MAP3K13: variants seen among roughly 807,000 people sequenced by gnomAD.
MAP3K13 encodes the protein mitogen-activated protein kinase kinase kinase 13, also known as leucine zipper-bearing kinase.
MAP3K13 carries 52 observed loss-of-function variants against 104.0 expected under a neutral mutation model. The ratio of observed to expected loss-of-function variants is 0.50; its 90% CI spans 0.40 to 0.63. MAP3K13 has a LOEUF of 0.63. Among genes scored for constraint, MAP3K13 ranks in the 20% least tolerant of loss-of-function variants. The probability of loss-of-function intolerance (pLI) is 0.00; values close to 1 mark genes in which losing one functional copy is unlikely to be tolerated. For synonymous variants in MAP3K13, 394 were observed against 442.2 expected (o/e 0.89, Z 1.37); for missense variants, 914 against 1,218.5 (o/e 0.75, Z 3.72).
chr3:185,385,882 A>C (rs1279552993), intron 1 of MAP3K13, among the ~76,000 whole-genome samples: 1 of 152,136 alleles, frequency 6.6e-6, no homozygotes, highest in Non-Finnish European at 1.5e-5. Context: ...GGGTGCCTAT[A>C]GTCCAACGTA....
At chr3:185,382,422 T>C (rs573819025) in intron 1 of MAP3K13, among the ~76,000 whole-genome samples, 1 of 152,194 alleles carries the variant, frequency 6.6e-6, no homozygotes, top group Non-Finnish European at 1.5e-5. Context: ...CTGTATATGA[T>C]GTAGTGATAA....
intron 7 of MAP3K13, among the ~76,000 whole-genome samples, chr3:185,460,901 T>C (rs1717059463): frequency 6.6e-6 from 1 of 152,202 alleles, no homozygotes; most frequent in South Asian, 2.1e-4. Context: ...TGATATAAAA[T>C]TCCTCACCAC....
At chr3:185,397,668 TCTTTC>T (rs984676617) in intron 1 of MAP3K13, among the ~76,000 whole-genome samples, 53 of 152,306 alleles carry the variant, frequency 3.5e-4, no homozygotes, top group African/African-American at 1.3e-3. Context: ...ACTGTTTTTT[TCTTTC>T]CTTTCCTTTT....
rs566493723 is a variant in MAP3K13, at chr3:185,383,009, C to G, written c.-86+19641C>G. Among the ~76,000 whole-genome samples the G allele has an allele frequency of 2.4e-3, 334 of 137,862 alleles. 1 individual carries two copies. The highest frequency in any genetic ancestry group is 8.3e-3 in the African/African-American group (314 of 37,670). The allele number at this position is 137,862 out of a possible 152,430, so 90.4% of individuals were successfully genotyped here. On this transcript the variant is annotated intron_variant, in intron 1 of 13. Coordinates refer to ENST00000265026, the MANE Select transcript of MAP3K13 (RefSeq NM_004721.5). ...TATATCTCCCAATGCTATCCCTCCC[C>G]CCTCCCCCCAACCCACAACAGTCCC...
intron 1 of MAP3K13, among the ~76,000 whole-genome samples, chr3:185,387,853 T>G (rs1478017263): frequency 1.3e-5 from 2 of 152,016 alleles, no homozygotes; most frequent in East Asian, 1.9e-4. Context: ...GCATCCAAAT[T>G]GGAAAAGAGG....
At chr3:185,414,806 C>G (rs1713650719) in intron 1 of MAP3K13, among the ~76,000 whole-genome samples, 1 of 152,068 alleles carries the variant, frequency 6.6e-6, no homozygotes, top group South Asian at 2.1e-4. Flanking sequence ...ATTTTACTGT[C>G]CAACTAAACA....
chr3:185,300,081 TA>T (rs1377624424), intron 2 of MAP3K13, among the ~76,000 whole-genome samples: 1 of 152,242 alleles, frequency 6.6e-6, no homozygotes, highest in East Asian at 1.9e-4. Context: ...ATACTTCACA[TA>T]AGTGGAATCA....
upstream of MAP3K13, among the ~76,000 whole-genome samples, chr3:185,361,996 G>A (rs537560319): frequency 7.2e-5 from 11 of 152,296 alleles, no homozygotes; most frequent in South Asian, 1.2e-3. Flanking sequence ...TAGTGGTCAG[G>A]TTTAGACCCT....
At chr3:185,454,887 T>TATATATGAGATATATATC (rs1481373737) in intron 7 of MAP3K13, among the ~76,000 whole-genome samples, 1 of 114,264 alleles carries the variant, frequency 8.8e-6, no homozygotes, top group Admixed American at 1.1e-4. Context: ...ATATATGATA[T>TATATATGAGATATATATC]ATATATGAGA....
chr3:185,338,567 A>C (rs1722598629), intron 2 of MAP3K13, among the ~76,000 whole-genome samples: 1 of 152,240 alleles, frequency 6.6e-6, no homozygotes, highest in Non-Finnish European at 1.5e-5. Flanking sequence ...AATAAGGAAA[A>C]TATTATGAAA....
At chr3:185,476,456 G>A (rs900541853) in intron 11 of MAP3K13, 4 of 151,430 alleles carry the variant, frequency 2.6e-5, no homozygotes, top group Non-Finnish European at 5.9e-5. Context: ...TCAATATTTG[G>A]TACAGTTCCT....
At chr3:185,329,282 C>G in intron 2 of MAP3K13, 1 of 702,732 alleles carries the variant, frequency 1.4e-6, no homozygotes, top group Non-Finnish European at 2.6e-6. Context: ...GAGATTGTTT[C>G]TAAGCAGTGC....
chr3:185,330,526 T>C (rs7432658), intron 2 of MAP3K13, among the ~76,000 whole-genome samples: 101,591 of 151,924 alleles, frequency 0.67, 35,616 homozygotes, highest in Middle Eastern at 0.79. Context: ...TAGCTTCTGC[T>C]GGGCCAAGTT....
rs768343654 is a variant in MAP3K13, at chr3:185,482,571, A to G, written c.*115A>G. 6.3e-5 allele frequency: 45 copies of G among 710,692 alleles called. No homozygotes were observed. Among genetic ancestry groups the G allele is most frequent in the Non-Finnish European group, 9.5e-5 (39 of 408,566 alleles). 44.0% of individuals were successfully genotyped at this position (710,692 alleles called of 1,614,324 possible). On this transcript the variant is annotated 3_prime_UTR_variant, in exon 14 of 14. Coordinates refer to ENST00000265026, the MANE Select transcript of MAP3K13 (RefSeq NM_004721.5). The surrounding 1 kb of genome is among the most constrained non-coding windows in gnomAD (Gnocchi z 4.5). Reference sequence around the variant, plus strand: ...TTTGTCTGGGAAGAGAGACTACCCCATCTTTACCACCCCCTAGAAATGAGC... The same window carrying G: ...TTTGTCTGGGAAGAGAGACTACCCCGTCTTTACCACCCCCTAGAAATGAGC...
At chr3:185,399,756 G>T (rs1175431723) in intron 1 of MAP3K13, among the ~76,000 whole-genome samples, 1 of 150,420 alleles carries the variant, frequency 6.6e-6, no homozygotes, top group African/African-American at 2.5e-5. Flanking sequence ...CTTTGCCCCA[G>T]TTACAGTTTA....
Position 185,454,733 on chromosome 3 carries a change from T to TGA in MAP3K13, c.1278+3339_1278+3340dup, listed in dbSNP as rs1317654052. Among the ~76,000 whole-genome samples the TGA allele has an allele frequency of 4.9e-3, 176 of 35,606 alleles. 25 individuals carry two copies. The highest frequency in any genetic ancestry group is 0.091 in the Middle Eastern group (2 of 22). 23.4% of individuals were successfully genotyped at this position (35,606 alleles called of 152,430 possible). On this transcript the variant is annotated intron_variant, in intron 7 of 13. Coordinates refer to ENST00000265026, the MANE Select transcript of MAP3K13 (RefSeq NM_004721.5). ...ATATATGAGATATATATGATATATA[T>TGA]GATATATATATCATATATATGAGAT...
At chr3:185,337,295 CA>C (rs943135019) in intron 2 of MAP3K13, among the ~76,000 whole-genome samples, 3 of 152,150 alleles carry the variant, frequency 2.0e-5, no homozygotes, top group African/African-American at 7.2e-5. Flanking sequence ...AAATTCATTT[CA>C]AAATACACTT....
At chr3:185,360,053 A>G (rs558330557), upstream of MAP3K13, among the ~76,000 whole-genome samples, 38 of 152,220 alleles carry the variant, frequency 2.5e-4, no homozygotes, top group Non-Finnish European at 4.7e-4. Context: ...ATCTTCTTGC[A>G]TAATGAGACT....
At chr3:185,346,328 GTC>G (rs1722921654) in intron 2 of MAP3K13, among the ~76,000 whole-genome samples, 1 of 152,092 alleles carries the variant, frequency 6.6e-6, no homozygotes, top group Non-Finnish European at 1.5e-5. Flanking sequence ...AAAATCACCA[GTC>G]TCTCTATATC....
Sources: allele counts gnomAD v4.1 joint callset (sites outside exome capture counted in the v4.1 genomes callset), GRCh38; gene constraint gnomAD v4.1.1; non-coding constraint Gnocchi (gnomAD v3.1); transcripts MANE v1.5; gene names NCBI Gene and HGNC (gene_info 2026-07-23, HGNC 2026-07-21).